CACNB4: variants seen among roughly 807,000 people sequenced by gnomAD.
The protein encoded by CACNB4 is voltage-dependent L-type calcium channel subunit beta-4.
In CACNB4, 32 loss-of-function variants were observed where a neutral mutation model predicts 71.2. The observed-to-expected ratio is 0.45, with a 90% confidence interval of 0.34 to 0.60. The LOEUF (loss-of-function observed/expected upper bound fraction) is 0.60, where lower values mean the gene tolerates loss of function less well. Ranked by LOEUF, CACNB4 falls within the 20% of genes least tolerant of loss-of-function variation. The pLI is 0.01. For synonymous variants in CACNB4, 231 were observed against 236.9 expected (o/e 0.97, Z 0.23); for missense variants, 464 against 647.9 (o/e 0.72, Z 3.08).
chr2:151,964,960 A>G (rs961285316), intron 2 of CACNB4, among the ~76,000 whole-genome samples: 1 of 152,120 alleles, frequency 6.6e-6, no homozygotes, highest in African/African-American at 2.4e-5. Flanking sequence ...TACCTTATCA[A>G]CTTCACCTTG....
chr2:151,870,622 T>C lies in CACNB4; in HGVS notation c.619-11A>G, dbSNP rs1014258584. Reference sequence around the variant, plus strand: ...AGGAATGTGCTCCGTCTGAAAAAGATGATTCGACACGCGTGACAAGGTGAG... The same window carrying C: ...AGGAATGTGCTCCGTCTGAAAAAGACGATTCGACACGCGTGACAAGGTGAG... On this transcript the variant is annotated splice_polypyrimidine_tract_variant and intron_variant, in intron 7 of 13. Coordinates refer to ENST00000539935, the MANE Select transcript of CACNB4 (RefSeq NM_000726.5). 3.1e-6 allele frequency: 5 copies of C among 1,609,624 alleles called. No individual in the cohort carries two copies. The highest frequency in any genetic ancestry group is 2.7e-5 in the African/African-American group (2 of 74,824).
At chr2:152,071,680 A>G (rs1436079894) in intron 2 of CACNB4, among the ~76,000 whole-genome samples, 2 of 152,242 alleles carry the variant, frequency 1.3e-5, no homozygotes, top group African/African-American at 4.8e-5. Flanking sequence ...AATTGGGCCT[A>G]TAGTAACCCG....
chr2:151,865,768 T>C (rs1488694653), intron 9 of CACNB4: 1 of 141,142 alleles, frequency 7.1e-6, no homozygotes, highest in African/African-American at 2.6e-5. Flanking sequence ...GTGTTTTTCT[T>C]TTTCTTTCTT....
intron 2 of CACNB4, among the ~76,000 whole-genome samples, chr2:152,028,380 G>T (rs1056242183): frequency 6.6e-6 from 1 of 152,166 alleles, no homozygotes; most frequent in Non-Finnish European, 1.5e-5. Context: ...TGCCCCGAAT[G>T]AGTCAACATG....
At chr2:151,911,553 G>A (rs2099856168) in intron 2 of CACNB4, among the ~76,000 whole-genome samples, 1 of 152,268 alleles carries the variant, frequency 6.6e-6, no homozygotes, top group African/African-American at 2.4e-5. Flanking sequence ...TAAGTTTTTT[G>A]ATGTGCTGCT....
intron 2 of CACNB4, among the ~76,000 whole-genome samples, chr2:152,020,072 T>C (rs1046714601): frequency 3.3e-5 from 5 of 152,184 alleles, no homozygotes; most frequent in African/African-American, 7.2e-5. Flanking sequence ...CTGCAGCCTA[T>C]GTGTACATTC....
intron 9 of CACNB4, among the ~76,000 whole-genome samples, chr2:151,865,100 AG>A (rs2099842735): frequency 6.6e-6 from 1 of 152,222 alleles, no homozygotes; most frequent in African/African-American, 2.4e-5. Context: ...AACAGTAGGA[AG>A]AATGCATAGG....
intron 2 of CACNB4, among the ~76,000 whole-genome samples, chr2:152,059,947 G>A (rs1175849802): frequency 6.6e-6 from 1 of 152,022 alleles, no homozygotes; most frequent in Non-Finnish European, 1.5e-5. Context: ...GTTTTATAAG[G>A]GGCTCTTCCC....
rs2099835234 is a variant in CACNB4 at position 151,837,882 on chromosome 2, T to C, written c.*1237A>G. On this transcript the variant is annotated 3_prime_UTR_variant, in exon 14 of 14. Transcript: ENST00000539935. ...AATATTTGCTGAATCTATGAGTTTATTTTTTACTGCAAGCTTTTAAAATCA... is the reference window on the plus strand; with the variant it reads ...AATATTTGCTGAATCTATGAGTTTACTTTTTACTGCAAGCTTTTAAAATCA... 6.6e-6 allele frequency: 1 copy of C among 152,186 alleles called. No individual in the cohort carries two copies. The highest frequency in any genetic ancestry group is 2.1e-4 in the South Asian group (1 of 4,836). The allele number at this position is 152,186 out of a possible 1,614,324, so 9.4% of individuals were successfully genotyped here. A position where few individuals can be genotyped will look rare whatever the true frequency, so the allele number is the denominator to read the frequency against.
intron 2 of CACNB4, among the ~76,000 whole-genome samples, chr2:152,036,147 A>C (rs2105218888): frequency 6.6e-6 from 1 of 152,340 alleles, no homozygotes; most frequent in South Asian, 2.1e-4. Context: ...GTGGTTGCCA[A>C]GCACCGGGAG....
intron 2 of CACNB4, among the ~76,000 whole-genome samples, chr2:152,004,946 G>C (rs1682640691): frequency 6.6e-6 from 1 of 151,930 alleles, no homozygotes; most frequent in Admixed American, 6.6e-5. Flanking sequence ...AATTACTCTT[G>C]GATGCAAATC....
At chr2:151,860,671 TA>T in intron 10 of CACNB4, 39 bp downstream of exon 10, 1 of 1,361,476 alleles carries the variant, frequency 7.3e-7, no homozygotes, top group Non-Finnish European at 1.1e-6. Context: ...GCCCGGTCTG[TA>T]AGCACAGCTT....
chr2:152,001,572 G>A (rs10803926), intron 2 of CACNB4, among the ~76,000 whole-genome samples: 48,085 of 144,316 alleles, frequency 0.33, 8,406 homozygotes, highest in Middle Eastern at 0.5. Context: ...AATTAGCCGG[G>A]CATGGTGGCA....
At chr2:152,083,622 AAT>A (rs1687488292) in intron 2 of CACNB4, among the ~76,000 whole-genome samples, 1 of 152,230 alleles carries the variant, frequency 6.6e-6, no homozygotes, top group South Asian at 2.1e-4. Flanking sequence ...TGGAACATAC[AAT>A]ATCTGAAGTA....
At chr2:151,923,226 T>C (rs1009327125) in intron 2 of CACNB4, among the ~76,000 whole-genome samples, 7 of 152,232 alleles carry the variant, frequency 4.6e-5, no homozygotes, top group Admixed American at 4.6e-4. Flanking sequence ...CTCCTCCTCC[T>C]AGCTATTGCT....
intron 2 of CACNB4, among the ~76,000 whole-genome samples, chr2:151,912,203 T>C (rs2099856348): frequency 6.6e-6 from 1 of 152,200 alleles, no homozygotes; most frequent in Non-Finnish European, 1.5e-5. Context: ...TCTTGTCTTC[T>C]ACTAGCTTTT....
chr2:151,835,732 G>C lies in CACNB4; in HGVS notation c.*3387C>G, dbSNP rs886054955. ...TTTCACTGCCTCCACTTCCTATTAT[G>C]AATTTTAAGGCCCCCACACAAAAGA... On this transcript the variant is annotated 3_prime_UTR_variant, in exon 14 of 14. Coordinates refer to ENST00000539935, the MANE Select transcript of CACNB4 (RefSeq NM_000726.5). 2.6e-5 allele frequency: 4 copies of C among 151,764 alleles called. No homozygotes were observed. In the East Asian group the frequency reaches 7.7e-4, roughly 29 times the overall value. The allele number at this position is 151,764 out of a possible 1,614,324, so 9.4% of individuals were successfully genotyped here. A position where few individuals can be genotyped will look rare whatever the true frequency, so the allele number is the denominator to read the frequency against.
chr2:152,026,390 T>C (rs10210707), intron 2 of CACNB4, among the ~76,000 whole-genome samples: 107,841 of 150,992 alleles, frequency 0.71, 41,251 homozygotes, highest in Middle Eastern at 0.9. Flanking sequence ...TTTTTTTTTT[T>C]TTCTTCTTCT....
At chr2:151,905,533 C>CA (rs568711689) in intron 2 of CACNB4, among the ~76,000 whole-genome samples, 2 of 152,236 alleles carry the variant, frequency 1.3e-5, no homozygotes, top group Admixed American at 1.3e-4. Context: ...CAGAGACCTA[C>CA]AAAAATAATA....
Sources: allele counts gnomAD v4.1 joint callset (sites outside exome capture counted in the v4.1 genomes callset), GRCh38; gene constraint gnomAD v4.1.1; transcripts MANE v1.5; gene names NCBI Gene and HGNC (gene_info 2026-07-23, HGNC 2026-07-21).